Variants in TMEM170B observed in about 807,000 individuals in gnomAD.
TMEM170B encodes the protein transmembrane protein 170B.
A neutral mutation model predicts 13.0 loss-of-function variants in TMEM170B; 6 were observed. That is an observed-to-expected ratio of 0.46 (90% CI 0.25 to 0.91). The LOEUF is 0.91. Ranked by LOEUF, TMEM170B falls within the 40% of genes least tolerant of loss-of-function variation. TMEM170B has a pLI of 0.17. For missense variants in TMEM170B, 138 were observed against 165.2 expected (o/e 0.84, Z 0.90); for synonymous variants, 61 against 64.9 (o/e 0.94, Z 0.29).
Position 11,579,263 on chromosome 6 carries a change from ACT to A in TMEM170B, c.*3705_*3706del, listed in dbSNP as rs1232475457. The A allele has an allele frequency of 6.6e-6, 1 of 152,110 alleles. No homozygotes were observed. Among genetic ancestry groups the A allele is most frequent in the African/African-American group, 2.4e-5 (1 of 41,420 alleles). The allele number at this position is 152,110 out of a possible 1,614,324, so 9.4% of individuals were successfully genotyped here. A position where few individuals can be genotyped will look rare whatever the true frequency, so the allele number is the denominator to read the frequency against. On this transcript the variant is annotated 3_prime_UTR_variant, in exon 3 of 3. Coordinates refer to ENST00000379426, the MANE Select transcript of TMEM170B (RefSeq NM_001100829.3). ...AGCCAGCAACACAGATTGAATTAAG[ACT>A]CTGTCACTTGTCAACTTTTTGACCT...
chr6:11,538,383 C>A lies in TMEM170B; in HGVS notation c.97+9C>A. 2 of 1,502,792 alleles carry A rather than the reference C, an allele frequency of 1.3e-6. No individual in the cohort carries two copies. Among genetic ancestry groups the A allele is most frequent in the Non-Finnish European group, 1.8e-6 (2 of 1,127,382 alleles). The allele number at this position is 1,502,792 out of a possible 1,614,324, so 93.1% of individuals were successfully genotyped here. A position where few individuals can be genotyped will look rare whatever the true frequency, so the allele number is the denominator to read the frequency against. Reference sequence around the variant, plus strand: ...GCTGAGGAACCTCACGGGTAATTGACGCGCCTGGGCTGGGGACGGGGATGC... The same window carrying A: ...GCTGAGGAACCTCACGGGTAATTGAAGCGCCTGGGCTGGGGACGGGGATGC... On this transcript the variant is annotated intron_variant, in intron 1 of 2. Transcript: ENST00000379426.
At chr6:11,560,060 TTTCTGTCTC>T (rs1759642192) in intron 1 of TMEM170B, among the ~76,000 whole-genome samples, 6 of 152,122 alleles carry the variant, frequency 3.9e-5, no homozygotes, top group African/African-American at 1.4e-4. Context: ...AGAGTAGTGA[TTTCTGTCTC>T]TACTGCATAC....
intron 1 of TMEM170B, among the ~76,000 whole-genome samples, chr6:11,541,352 A>G (rs1328312438): frequency 1.3e-5 from 2 of 152,232 alleles, no homozygotes; most frequent in African/African-American, 2.4e-5. Context: ...TTGTGCTTCT[A>G]CATCAGCATT....
chr6:11,558,132 T>C (rs1223620258), intron 1 of TMEM170B, among the ~76,000 whole-genome samples: 2 of 152,196 alleles, frequency 1.3e-5, no homozygotes, highest in Non-Finnish European at 2.9e-5. Context: ...CATTCCCACT[T>C]TTCCATATCT....
Position 11,545,280 on chromosome 6 carries a change from C to CTCTGTGTGTGTGTGTGTG in TMEM170B, c.97+6907_97+6908insCTGTGTGTGTGTGTGTGT, listed in dbSNP as rs1442789332. Among the ~76,000 whole-genome samples the CTCTGTGTGTGTGTGTGTG allele has an allele frequency of 7.7e-3, 1,081 of 139,742 alleles. 8 individuals carry two copies. The highest frequency in any genetic ancestry group is 0.019 in the South Asian group (77 of 4,014). 91.7% of individuals were successfully genotyped at this position (139,742 alleles called of 152,430 possible). A position where few individuals can be genotyped will look rare whatever the true frequency, so the allele number is the denominator to read the frequency against. ...TTAAAAGGCTTCTCTCTCTCTCTCT[C>CTCTGTGTGTGTGTGTGTG]TGTGTGTGTGTGTGTGTGTGTGTGT... is the stretch of plus-strand genomic sequence containing the variant. On this transcript the variant is annotated intron_variant, in intron 1 of 2. Transcript: ENST00000379426.
intron 1 of TMEM170B, among the ~76,000 whole-genome samples, chr6:11,557,047 A>G (rs114160835): frequency 0.031 from 4,749 of 152,150 alleles, 131 homozygotes; most frequent in Non-Finnish European, 0.05. Context: ...TGTGTCATTT[A>G]CTCAAGGTTG....
chr6:11,573,621 T>C (rs1582147530), intron 2 of TMEM170B, among the ~76,000 whole-genome samples: 1 of 152,196 alleles, frequency 6.6e-6, no homozygotes, highest in African/African-American at 2.4e-5. Context: ...CCTCACCTTA[T>C]GTAAGCATGC....
chr6:11,547,826 G>C (rs1434943496), intron 1 of TMEM170B, among the ~76,000 whole-genome samples: 1 of 151,988 alleles, frequency 6.6e-6, no homozygotes, highest in African/African-American at 2.4e-5. Flanking sequence ...CCATTTTCTG[G>C]ATATGTCTTG....
chr6:11,552,867 A>T (rs2113768620), intron 1 of TMEM170B, among the ~76,000 whole-genome samples: 1 of 152,314 alleles, frequency 6.6e-6, no homozygotes, highest in East Asian at 1.9e-4. Context: ...ACAATTGCTT[A>T]TCAGAAAAGA....
At chr6:11,546,595 AT>A (rs771652910) in intron 1 of TMEM170B, among the ~76,000 whole-genome samples, 1 of 152,090 alleles carries the variant, frequency 6.6e-6, no homozygotes, top group African/African-American at 2.4e-5. Flanking sequence ...ACAGATATTC[AT>A]TTTTTAATCT....
chr6:11,544,789 A>G (rs1431888338), intron 1 of TMEM170B, among the ~76,000 whole-genome samples: 2 of 152,232 alleles, frequency 1.3e-5, no homozygotes, highest in Middle Eastern at 3.2e-3. Context: ...TGTCAGTTAT[A>G]TGCTTCTGAA....
chr6:11,546,245 A>ATTTTTTTTT lies in TMEM170B; in HGVS notation c.97+7872_97+7880dup, dbSNP rs572760228. Among the ~76,000 whole-genome samples, 251 of 151,162 alleles carry ATTTTTTTTT rather than the reference A, an allele frequency of 1.7e-3. 3 individuals are homozygous for ATTTTTTTTT. The highest frequency in any genetic ancestry group is 4.9e-4 in the African/African-American group (20 of 41,218). On this transcript the variant is annotated intron_variant, in intron 1 of 2. Transcript: ENST00000379426. ...TATGTTTGGGTCTTAGTTTTTAACA[A>ATTTTTTTTT]TTTTTTTTTAATTTTAGAAGTAGAA...
At chr6:11,543,675 G>A (rs1366789996) in intron 1 of TMEM170B, among the ~76,000 whole-genome samples, 1 of 152,150 alleles carries the variant, frequency 6.6e-6, no homozygotes, top group Non-Finnish European at 1.5e-5. Context: ...ATAGAAAGGA[G>A]CATAGTCTAG....
intron 1 of TMEM170B, among the ~76,000 whole-genome samples, chr6:11,546,814 A>G (rs1183980878): frequency 6.6e-6 from 1 of 152,206 alleles, no homozygotes; most frequent in African/African-American, 2.4e-5. Context: ...TATTTGCACA[A>G]TAATGAAATG....
intron 1 of TMEM170B, among the ~76,000 whole-genome samples, chr6:11,546,617 A>T (rs1468706601): frequency 6.6e-6 from 1 of 152,124 alleles, no homozygotes; most frequent in Non-Finnish European, 1.5e-5. Flanking sequence ...TTTATGCTAT[A>T]TTTTTACTGA....
intron 2 of TMEM170B, among the ~76,000 whole-genome samples, chr6:11,569,068 A>G (rs993872790): frequency 6.6e-6 from 1 of 152,092 alleles, no homozygotes; most frequent in African/African-American, 2.4e-5. Flanking sequence ...GAATTTGAGC[A>G]TCTCTTCTTA....
At chr6:11,564,590 A>G (rs972434684) in intron 1 of TMEM170B, among the ~76,000 whole-genome samples, 4 of 152,230 alleles carry the variant, frequency 2.6e-5, no homozygotes, top group African/African-American at 9.6e-5. Context: ...TCCTTATCTG[A>G]ATAGTTTAAG....
intron 2 of TMEM170B, among the ~76,000 whole-genome samples, chr6:11,569,715 GT>G (rs894558694): frequency 1.1e-4 from 17 of 152,146 alleles, no homozygotes; most frequent in African/African-American, 4.1e-4. Flanking sequence ...GATTCTATGT[GT>G]TTTTTTCCCC....
rs1759875224 is a variant in TMEM170B at position 11,576,435 on chromosome 6, TA to T, written c.*877del. 1 of 152,240 alleles carries T rather than the reference TA, an allele frequency of 6.6e-6. No homozygotes were observed. Among genetic ancestry groups the T allele is most frequent in the Non-Finnish European group, 1.5e-5 (1 of 68,032 alleles). The allele number at this position is 152,240 out of a possible 1,614,324, so 9.4% of individuals were successfully genotyped here. A position where few individuals can be genotyped will look rare whatever the true frequency, so the allele number is the denominator to read the frequency against. ...TGCATGTTGCATTCTTTGACCCTTC[TA>T]AAGAAAGTTTTTGCCTTGTATCTCA... On this transcript the variant is annotated 3_prime_UTR_variant, in exon 3 of 3. Coordinates refer to ENST00000379426, the MANE Select transcript of TMEM170B (RefSeq NM_001100829.3).
Sources: allele counts gnomAD v4.1 joint callset (sites outside exome capture counted in the v4.1 genomes callset), GRCh38; gene constraint gnomAD v4.1.1; transcripts MANE v1.5; gene names NCBI Gene and HGNC (gene_info 2026-07-23, HGNC 2026-07-21).